RAPGEF1: variants seen among roughly 807,000 people sequenced by gnomAD.
RAPGEF1 encodes Rap guanine nucleotide exchange factor 1, also known as CRK SH3-binding GNRP.
A neutral mutation model predicts 143.3 loss-of-function variants in RAPGEF1; 33 were observed. That is an observed-to-expected ratio of 0.23 (90% confidence interval 0.17 to 0.31). The LOEUF is 0.31. Among genes scored for constraint, RAPGEF1 ranks in the 10% least tolerant of loss-of-function variants. The pLI, the probability that RAPGEF1 is intolerant of heterozygous loss-of-function variation, is 1.00. For synonymous variants in RAPGEF1, 629 were observed against 676.5 expected (o/e 0.93, Z 1.09); for missense variants, 1,199 against 1,645.4 (o/e 0.73, Z 4.69).
intron 22 of RAPGEF1, among the ~76,000 whole-genome samples, chr9:131,586,277 CA>C (rs1952759489): frequency 6.7e-6 from 1 of 148,164 alleles, no homozygotes; most frequent in Non-Finnish European, 1.5e-5. Context: ...CACACACACA[CA>C]CACACACCTG....
At chr9:131,681,381 T>C (rs1000227076) in intron 1 of RAPGEF1, among the ~76,000 whole-genome samples, 1 of 152,128 alleles carries the variant, frequency 6.6e-6, no homozygotes, top group Non-Finnish European at 1.5e-5. Context: ...GGCTTGGCAG[T>C]TCCCTGTTAG....
chr9:131,597,560 C>T (rs989214830), intron 16 of RAPGEF1, among the ~76,000 whole-genome samples: 3 of 152,162 alleles, frequency 2.0e-5, no homozygotes, highest in African/African-American at 4.8e-5. Flanking sequence ...TTTATGAAGC[C>T]GCTCCTTTGT....
intron 1 of RAPGEF1, among the ~76,000 whole-genome samples, chr9:131,680,151 C>T (rs186626079): frequency 3.7e-4 from 57 of 152,368 alleles, no homozygotes; most frequent in African/African-American, 1.3e-3. Context: ...TGAGACTGCA[C>T]AGTCAGTTCC....
At chr9:131,633,222 T>G (rs1386328970) in intron 5 of RAPGEF1, among the ~76,000 whole-genome samples, 1 of 151,950 alleles carries the variant, frequency 6.6e-6, no homozygotes, top group Non-Finnish European at 1.5e-5. Context: ...CAGGACAAGA[T>G]GGAGGAGGAG....
intron 1 of RAPGEF1, among the ~76,000 whole-genome samples, chr9:131,696,293 T>A (rs553019237): frequency 6.6e-6 from 1 of 152,262 alleles, no homozygotes; most frequent in Non-Finnish European, 1.5e-5. Context: ...GGAGAAGACA[T>A]ACCACAGTCT....
In RAPGEF1 at chr9:131,621,754, C is replaced by G; in HGVS notation, c.1905+42G>C. ...GGTCATTCTGGTTCCTAGAGACCTGCTAGGATCGGAAGTTCTAGTCACAAG... is the reference window on the plus strand; with the variant it reads ...GGTCATTCTGGTTCCTAGAGACCTGGTAGGATCGGAAGTTCTAGTCACAAG... On this transcript the variant is annotated intron_variant, in intron 11 of 26. Coordinates refer to ENST00000683357, the MANE Select transcript of RAPGEF1 (RefSeq NM_001377935.1). This position sits in a 1 kb window ranked among gnomAD's most constrained non-coding sequence, Gnocchi z 4.5. 6.5e-7 allele frequency: 1 copy of G among 1,548,156 alleles called. No individual in the cohort carries two copies. Among genetic ancestry groups the G allele is most frequent in the Non-Finnish European group, 8.7e-7 (1 of 1,143,498 alleles).
chr9:131,688,430 C>A (rs947997856), intron 1 of RAPGEF1, among the ~76,000 whole-genome samples: 1 of 152,170 alleles, frequency 6.6e-6, no homozygotes, highest in Non-Finnish European at 1.5e-5. Flanking sequence ...TTAACATAAG[C>A]CAGGAACCTG....
In RAPGEF1 at chr9:131,584,756, G is replaced by A. The variant is rs1484903683; in HGVS notation, c.3234-160C>T. ...TGCCCCAGGCATAGATCTAGTTTCTGCTCTCCAGGAGCTCATAACATCCTG... is the reference window on the plus strand; with the variant it reads ...TGCCCCAGGCATAGATCTAGTTTCTACTCTCCAGGAGCTCATAACATCCTG... On this transcript the variant is annotated intron_variant, in intron 22 of 26. Coordinates refer to ENST00000683357, the MANE Select transcript of RAPGEF1 (RefSeq NM_001377935.1). The surrounding 1 kb of genome is among the most constrained non-coding windows in gnomAD (Gnocchi z 6.8). Among the ~76,000 whole-genome samples, 1 of 152,190 alleles carries A rather than the reference G, an allele frequency of 6.6e-6. No homozygotes were observed. The highest frequency in any genetic ancestry group is 1.5e-5 in the Non-Finnish European group (1 of 68,030).
At chr9:131,672,200 CTAAGGCAGAGGCTAA>C (rs1831516728) in intron 1 of RAPGEF1, among the ~76,000 whole-genome samples, 1 of 152,206 alleles carries the variant, frequency 6.6e-6, no homozygotes, top group African/African-American at 2.4e-5. Context: ...GGAGAAGTAG[CTAAGGCAGAGGCTAA>C]TAAGCTTTTT....
intron 1 of RAPGEF1, among the ~76,000 whole-genome samples, chr9:131,653,163 C>T (rs1185715471): frequency 1.3e-5 from 2 of 152,280 alleles, no homozygotes; most frequent in East Asian, 3.9e-4. Context: ...TCAAAATCCA[C>T]GATGCTCAAG....
intron 1 of RAPGEF1, among the ~76,000 whole-genome samples, chr9:131,717,834 G>A (rs967948123): frequency 1.3e-5 from 2 of 151,554 alleles, no homozygotes; most frequent in Non-Finnish European, 2.9e-5. Flanking sequence ...AAAGTGATGC[G>A]CACCCTATCT....
At position 131,736,361 on chromosome 9, in the gene RAPGEF1, C is replaced by T. The variant is rs748277785; in HGVS notation, c.61+3409G>A. ...TTCAACCTTTCTCCACCAGGCCTCACTTGACAGGCCCCCACCAGCCCAGCA... is the reference window on the plus strand; with the variant it reads ...TTCAACCTTTCTCCACCAGGCCTCATTTGACAGGCCCCCACCAGCCCAGCA... On this transcript the variant is annotated intron_variant, in intron 1 of 26. Transcript: ENST00000683357. 5.3e-4 allele frequency among the ~76,000 whole-genome samples: 80 copies of T among 152,346 alleles called. 1 individual carries two copies. In the Middle Eastern group the frequency reaches 0.01, roughly 19 times the overall value.
chr9:131,587,572 C>T (rs928201204), intron 22 of RAPGEF1, among the ~76,000 whole-genome samples, 164 bp downstream of exon 22: 2 of 152,312 alleles, frequency 1.3e-5, no homozygotes, highest in Admixed American at 6.5e-5. Context: ...GTCCCTGCCC[C>T]TGTCCTCAGC....
In RAPGEF1 at chr9:131,632,068, C is replaced by T. The variant is rs575909314; in HGVS notation, c.652-1744G>A. ...GAAGGACGGCTTGAGCCCAGGGGTT[C>T]GAGGAGCACTGAACTGTAATCACAC... On this transcript the variant is annotated intron_variant, in intron 5 of 26. Coordinates refer to ENST00000683357, the MANE Select transcript of RAPGEF1 (RefSeq NM_001377935.1). 7.0e-4 allele frequency among the ~76,000 whole-genome samples: 107 copies of T among 152,114 alleles called. 1 individual carries two copies. The highest frequency in any genetic ancestry group is 1.2e-3 in the Non-Finnish European group (79 of 67,994).
chr9:131,599,899 C>T (rs1368167914), intron 15 of RAPGEF1, among the ~76,000 whole-genome samples: 2 of 152,100 alleles, frequency 1.3e-5, no homozygotes, highest in Non-Finnish European at 2.9e-5. Flanking sequence ...GGGTGGATCA[C>T]TTGAAGTCAG....
At chr9:131,665,944 ACC>A (rs1276240649) in intron 1 of RAPGEF1, among the ~76,000 whole-genome samples, 1 of 152,186 alleles carries the variant, frequency 6.6e-6, no homozygotes, top group East Asian at 1.9e-4. Flanking sequence ...GTCCTTTGAG[ACC>A]CCAATGAGAG....
At chr9:131,671,757 A>T (rs1384197072) in intron 1 of RAPGEF1, among the ~76,000 whole-genome samples, 1 of 151,960 alleles carries the variant, frequency 6.6e-6, no homozygotes, top group South Asian at 2.1e-4. Context: ...GAGCTGGGGG[A>T]GAACAGGTGC....
At chr9:131,586,257 A>AAC (rs55722149) in intron 22 of RAPGEF1, among the ~76,000 whole-genome samples, 1,687 of 91,384 alleles carry the variant, frequency 0.018, 87 homozygotes, top group Middle Eastern at 0.04. Flanking sequence ...CTCTGTCTCA[A>AAC]ACACACACAC....
Position 131,636,437 on chromosome 9 carries a change from T to C in RAPGEF1, c.651+2198A>G, listed in dbSNP as rs750062870. 1.0e-3 allele frequency among the ~76,000 whole-genome samples: 154 copies of C among 152,202 alleles called. 2 individuals carry two copies. The highest frequency in any genetic ancestry group is 1.2e-3 in the Non-Finnish European group (80 of 68,040). On this transcript the variant is annotated intron_variant, in intron 5 of 26. Transcript: ENST00000683357. ...TATAGGTTTCTCTCTCCTTTTTTTT[T>C]CCCCAGTCACTTTGAAAAATCAAGG...
Sources: allele counts gnomAD v4.1 joint callset (sites outside exome capture counted in the v4.1 genomes callset), GRCh38; gene constraint gnomAD v4.1.1; non-coding constraint Gnocchi (gnomAD v3.1); transcripts MANE v1.5; gene names NCBI Gene and HGNC (gene_info 2026-07-23, HGNC 2026-07-21).